Variants in ANTXR2 observed in about 807,000 individuals in gnomAD.
ANTXR2 encodes ANTXR cell adhesion molecule 2.
In ANTXR2, 44 loss-of-function variants were observed where a neutral mutation model predicts 73.7. The observed-to-expected ratio is 0.60, with a 90% confidence interval of 0.47 to 0.77. The LOEUF (loss-of-function observed/expected upper bound fraction) is 0.77, where lower values mean the gene tolerates loss of function less well. ANTXR2 is among the 30% of genes least tolerant of loss of function. The probability of loss-of-function intolerance (pLI) is 0.00; values close to 1 mark genes in which losing one functional copy is unlikely to be tolerated. For synonymous variants in ANTXR2, 217 were observed against 205.9 expected, an observed-to-expected ratio of 1.05 and a Z score of -0.46; for missense variants, 604 against 592.5, an observed-to-expected ratio of 1.02 and a Z score of -0.20.
chr4:79,988,525 G>A (rs1035412197), intron 12 of ANTXR2, among the ~76,000 whole-genome samples: 1 of 151,598 alleles, frequency 6.6e-6, no homozygotes, highest in Non-Finnish European at 1.5e-5. Context: ...CTATGAAGAA[G>A]CTTAGATAAC....
chr4:79,917,572 C>T (rs1256091654), intron 16 of ANTXR2, among the ~76,000 whole-genome samples: 1 of 152,118 alleles, frequency 6.6e-6, no homozygotes, highest in East Asian at 1.9e-4. Context: ...ACTTTACAAG[C>T]TTGCTGATGA....
chr4:79,916,078 G>GT (rs1364843550), intron 16 of ANTXR2, among the ~76,000 whole-genome samples: 1 of 151,794 alleles, frequency 6.6e-6, no homozygotes, highest in African/African-American at 2.4e-5. Flanking sequence ...ACCTTTAAAT[G>GT]TTTTTTATTC....
At position 80,017,839 on chromosome 4, in the gene ANTXR2, G is replaced by GA. The variant is rs576415545; in HGVS notation, c.945+1058dup. On this transcript the variant is annotated intron_variant, in intron 11 of 16. Transcript: ENST00000403729. Reference sequence around the variant, plus strand: ...ATTGCAACATGCGCTAGAAATGGGAGAAAAAAAACCCTCCCCAAAAAGCAC... The same window carrying GA: ...ATTGCAACATGCGCTAGAAATGGGAGAAAAAAAAACCCTCCCCAAAAAGCAC... 4.6e-4 allele frequency among the ~76,000 whole-genome samples: 69 copies of GA among 151,414 alleles called. No homozygotes were observed. The Middle Eastern group carries it at 0.014, about 30-fold the overall frequency.
At chr4:79,996,919 C>T (rs1170760534) in intron 12 of ANTXR2, among the ~76,000 whole-genome samples, 2 of 151,902 alleles carry the variant, frequency 1.3e-5, no homozygotes, top group African/African-American at 2.4e-5. Flanking sequence ...CTGGAAAACA[C>T]TTTCACCACT....
intron 14 of ANTXR2, among the ~76,000 whole-genome samples, chr4:79,978,592 A>T (rs948954293): frequency 3.3e-5 from 5 of 152,222 alleles, no homozygotes; most frequent in African/African-American, 1.2e-4. Context: ...GATAGTTAGC[A>T]TTTACTGAGT....
In ANTXR2 at chr4:79,904,804, C is replaced by T. The variant is rs982091703; in HGVS notation, c.*2625G>A. ...CCAGAAAATCAAACAGAAGCTATTT[C>T]TCTATATAAAATATAAAGTGCCATT... On this transcript the variant is annotated 3_prime_UTR_variant, in exon 17 of 17. Coordinates refer to ENST00000403729, the MANE Select transcript of ANTXR2 (RefSeq NM_058172.6). 6.6e-6 allele frequency: 1 copy of T among 152,070 alleles called. No homozygotes were observed. The highest frequency in any genetic ancestry group is 6.6e-5 in the Admixed American group (1 of 15,246). 9.4% of individuals were successfully genotyped at this position (152,070 alleles called of 1,614,324 possible).
chr4:80,019,258 T>A (rs955815325), intron 10 of ANTXR2, among the ~76,000 whole-genome samples: 6 of 152,032 alleles, frequency 3.9e-5, no homozygotes, highest in Admixed American at 1.3e-4. Flanking sequence ...TCTCAGCTAC[T>A]CAGGAGGCTG....
intron 16 of ANTXR2, among the ~76,000 whole-genome samples, chr4:79,945,965 G>C (rs1728499901): frequency 6.6e-6 from 1 of 152,122 alleles, no homozygotes; most frequent in Non-Finnish European, 1.5e-5. Flanking sequence ...GAAGGTGACA[G>C]AGAGAAATAG....
At chr4:80,007,745 T>C (rs2110055019) in intron 12 of ANTXR2, among the ~76,000 whole-genome samples, 1 of 152,276 alleles carries the variant, frequency 6.6e-6, no homozygotes, top group East Asian at 1.9e-4. Flanking sequence ...AGAATCTGAG[T>C]AGCCTTTAGA....
intron 12 of ANTXR2, among the ~76,000 whole-genome samples, chr4:80,007,298 A>G (rs6811382): frequency 0.76 from 115,115 of 152,088 alleles, 43,831 homozygotes; most frequent in East Asian, 0.94. Context: ...ATTACCATGA[A>G]CTACACAATA....
rs1268419303 is a variant in ANTXR2 at position 79,905,094 on chromosome 4, T to C, written c.*2335A>G. 1 of 152,190 alleles carries C rather than the reference T, an allele frequency of 6.6e-6. No individual in the cohort carries two copies. Among genetic ancestry groups the C allele is most frequent in the Non-Finnish European group, 1.5e-5 (1 of 68,022 alleles). The allele number at this position is 152,190 out of a possible 1,614,324, so 9.4% of individuals were successfully genotyped here. A position where few individuals can be genotyped will look rare whatever the true frequency, so the allele number is the denominator to read the frequency against. On this transcript the variant is annotated 3_prime_UTR_variant, in exon 17 of 17. Coordinates refer to ENST00000403729, the MANE Select transcript of ANTXR2 (RefSeq NM_058172.6). ...CTTCCTCTTCATTAAGAGCTCTTCATAGTAGCTGTATAACAATCTACAGAA... is the reference window on the plus strand; with the variant it reads ...CTTCCTCTTCATTAAGAGCTCTTCACAGTAGCTGTATAACAATCTACAGAA...
At chr4:79,949,066 G>A (rs1353819969) in intron 16 of ANTXR2, among the ~76,000 whole-genome samples, 12 of 152,026 alleles carry the variant, frequency 7.9e-5, no homozygotes, top group Admixed American at 7.9e-4. Flanking sequence ...ATAAATGTCT[G>A]GCTATTATTA....
chr4:80,013,277 A>T (rs1006141437), intron 11 of ANTXR2, among the ~76,000 whole-genome samples: 3 of 152,202 alleles, frequency 2.0e-5, no homozygotes, highest in African/African-American at 7.2e-5. Context: ...TCAATCATTC[A>T]TTTAGGAAAT....
chr4:79,916,567 C>T (rs546786858), intron 16 of ANTXR2, among the ~76,000 whole-genome samples: 1 of 151,896 alleles, frequency 6.6e-6, no homozygotes, highest in African/African-American at 2.4e-5. Context: ...CATAATATGA[C>T]CTTAAAGCAA....
At chr4:80,040,928 CA>C (rs1459160634) in intron 7 of ANTXR2, among the ~76,000 whole-genome samples, 1 of 151,942 alleles carries the variant, frequency 6.6e-6, no homozygotes, top group Non-Finnish European at 1.5e-5. Context: ...AGTCCTCAAA[CA>C]TTAATATAGA....
In ANTXR2 at chr4:80,038,151, T is replaced by C. The variant is rs985287798; in HGVS notation, c.637-2119A>G. On this transcript the variant is annotated intron_variant, in intron 7 of 16. Coordinates refer to ENST00000403729, the MANE Select transcript of ANTXR2 (RefSeq NM_058172.6). ...CCTCAGAATAAAGTAAATCAAAAAA[T>C]TACAAAAGGATTTTCTAAAGATCAT... Among the ~76,000 whole-genome samples the C allele has an allele frequency of 2.4e-4, 36 of 152,174 alleles. 2 individuals carry two copies. Among genetic ancestry groups the C allele is most frequent in the Admixed American group, 2.6e-4 (4 of 15,266 alleles).
At chr4:79,918,916 AT>A (rs1727460041) in intron 16 of ANTXR2, among the ~76,000 whole-genome samples, 1 of 152,150 alleles carries the variant, frequency 6.6e-6, no homozygotes, top group African/African-American at 2.4e-5. Context: ...AAAGAAAAAA[AT>A]GGAAATTATA....
intron 16 of ANTXR2, among the ~76,000 whole-genome samples, chr4:79,953,080 A>AC (rs1728765243): frequency 6.6e-6 from 1 of 152,054 alleles, no homozygotes. Context: ...CTACCACAGG[A>AC]CCTAGTGTTG....
chr4:79,992,016 A>G (rs934361586), intron 12 of ANTXR2, among the ~76,000 whole-genome samples: 1 of 151,996 alleles, frequency 6.6e-6, no homozygotes, highest in Non-Finnish European at 1.5e-5. Flanking sequence ...TACTATGCTC[A>G]CTACCTGGGT....
Sources: allele counts gnomAD v4.1 joint callset (sites outside exome capture counted in the v4.1 genomes callset), GRCh38; gene constraint gnomAD v4.1.1; transcripts MANE v1.5; gene names NCBI Gene and HGNC (gene_info 2026-07-23, HGNC 2026-07-21).